The following KAZN variants were observed in gnomAD, a reference collection of about 807,000 sequenced individuals.
KAZN encodes the protein kazrin, periplakin interacting protein.
KAZN carries 40 observed loss-of-function variants against 87.4 expected under a neutral mutation model. That is an observed-to-expected ratio of 0.46 (90% CI 0.36 to 0.60). The LOEUF (loss-of-function observed/expected upper bound fraction) is 0.60, where lower values mean the gene tolerates loss of function less well. Ranked by LOEUF, KAZN falls within the 20% of genes least tolerant of loss-of-function variation. KAZN has a pLI of 0.00. For synonymous variants in KAZN, 466 were observed against 458.3 expected (o/e 1.02, Z -0.22); for missense variants, 898 against 1,073.9 (o/e 0.84, Z 2.29).
At chr1:14,742,187 C>T (rs1021088016) in intron 1 of KAZN, among the ~76,000 whole-genome samples, 2 of 152,184 alleles carry the variant, frequency 1.3e-5, no homozygotes, top group African/African-American at 2.4e-5. Flanking sequence ...TCCAGGAAAG[C>T]AGTGACCTTG....
chr1:14,941,459 T>C (rs1338628365), intron 1 of KAZN, among the ~76,000 whole-genome samples: 1 of 151,582 alleles, frequency 6.6e-6, no homozygotes, highest in African/African-American at 2.4e-5. Context: ...CTGCCGACCA[T>C]TGGAAAAAGG....
intron 1 of KAZN, among the ~76,000 whole-genome samples, chr1:14,018,758 C>G (rs541645531): frequency 1.3e-5 from 2 of 152,300 alleles, no homozygotes; most frequent in African/African-American, 4.8e-5. Flanking sequence ...TTTCAGAACT[C>G]TAGGTTCTCT....
intron 2 of KAZN, among the ~76,000 whole-genome samples, chr1:14,576,291 AGGATGGATGGATGGAT>A (rs71587761): frequency 8.0e-6 from 1 of 125,348 alleles, no homozygotes; most frequent in Non-Finnish European, 1.9e-5. Context: ...GAAGGATGGA[AGGATGGATGGATGGAT>A]GGATGGATGG....
intron 2 of KAZN, among the ~76,000 whole-genome samples, chr1:14,577,137 T>C (rs1675241247): frequency 6.6e-6 from 1 of 152,244 alleles, no homozygotes; most frequent in Non-Finnish European, 1.5e-5. Context: ...AACTGCATCC[T>C]ACTGATATTG....
intron 1 of KAZN, among the ~76,000 whole-genome samples, chr1:14,138,095 G>GTA (rs1645150365): frequency 6.6e-6 from 1 of 152,012 alleles, no homozygotes; most frequent in African/African-American, 2.4e-5. Flanking sequence ...GTGTGTGTGT[G>GTA]TGTGTGTGTG....
chr1:14,104,646 A>T (rs1644329794), intron 1 of KAZN, among the ~76,000 whole-genome samples: 1 of 152,216 alleles, frequency 6.6e-6, no homozygotes, highest in South Asian at 2.1e-4. Context: ...TGTTCATTCC[A>T]TCACGAACTA....
rs555590024 is a variant in KAZN at position 13,952,478 on chromosome 1, A to G, written c.91+58722A>G. Among the ~76,000 whole-genome samples the G allele has an allele frequency of 8.6e-4, 131 of 152,026 alleles. 1 individual carries two copies. Among genetic ancestry groups the G allele is most frequent in the African/African-American group, 2.8e-3 (117 of 41,446 alleles). ...GGCCTGGGAGGCTCAGAGCTTCGCA[A>G]TTCTTCTAGGCACTATCTTATCTCT... is the stretch of plus-strand genomic sequence containing the variant. On this transcript the variant is annotated intron_variant, in intron 1 of 16. Coordinates refer to the KAZN transcript ENST00000636203.
intron 1 of KAZN, among the ~76,000 whole-genome samples, chr1:14,600,224 G>A (rs1380161755): frequency 2.6e-5 from 4 of 152,152 alleles, no homozygotes; most frequent in African/African-American, 9.7e-5. Flanking sequence ...TCCAGTCCAT[G>A]AGGTCCACTT....
intron 2 of KAZN, among the ~76,000 whole-genome samples, chr1:14,462,790 T>C (rs1018623118): frequency 2.0e-5 from 3 of 152,160 alleles, no homozygotes; most frequent in Non-Finnish European, 4.4e-5. Flanking sequence ...TTAGTCACTA[T>C]CATGAGAACA....
intron 1 of KAZN, among the ~76,000 whole-genome samples, chr1:14,133,134 C>T (rs1645026177): frequency 6.6e-6 from 1 of 152,016 alleles, no homozygotes; most frequent in Non-Finnish European, 1.5e-5. Context: ...TTTGGGAGGC[C>T]AAGGTGGGCG....
intron 2 of KAZN, among the ~76,000 whole-genome samples, chr1:14,337,732 A>G (rs1657373504): frequency 6.6e-6 from 1 of 152,084 alleles, no homozygotes; most frequent in Non-Finnish European, 1.5e-5. Context: ...CGTCTCTACT[A>G]AAAATACAAA....
chr1:14,667,832 A>G (rs949174946), intron 1 of KAZN, among the ~76,000 whole-genome samples: 1 of 152,232 alleles, frequency 6.6e-6, no homozygotes, highest in African/African-American at 2.4e-5. Context: ...GAATGAAAAT[A>G]ATTTCATTTT....
At chr1:14,438,794 G>A (rs929037568) in intron 2 of KAZN, among the ~76,000 whole-genome samples, 33 of 152,220 alleles carry the variant, frequency 2.2e-4, no homozygotes, top group African/African-American at 7.2e-4. Context: ...AGGGGCTCAC[G>A]ATGAGCTTCC....
intron 1 of KAZN, among the ~76,000 whole-genome samples, chr1:14,699,394 C>T (rs578035941): frequency 3.7e-4 from 56 of 152,336 alleles, no homozygotes; most frequent in Admixed American, 2.5e-3. Context: ...TAGTGATACT[C>T]TGTGTTCATT....
At chr1:14,432,856 G>A (rs898873436) in intron 2 of KAZN, among the ~76,000 whole-genome samples, 1 of 152,122 alleles carries the variant, frequency 6.6e-6, no homozygotes, top group Non-Finnish European at 1.5e-5. Context: ...AGTTTGCTGA[G>A]AATGATGGCT....
chr1:15,095,639 A>T (rs772451796), intron 10 of KAZN, among the ~76,000 whole-genome samples: 19 of 125,556 alleles, frequency 1.5e-4, no homozygotes, highest in Non-Finnish European at 2.1e-4. Flanking sequence ...GAATGTGGAG[A>T]GGGGAAGAAC....
intron 2 of KAZN, among the ~76,000 whole-genome samples, chr1:14,361,138 G>A (rs1432361903): frequency 6.6e-6 from 1 of 152,222 alleles, no homozygotes; most frequent in Non-Finnish European, 1.5e-5. Flanking sequence ...CGCCCAGAGA[G>A]GAGGAATCTG....
Position 14,926,250 on chromosome 1 carries a change from T to G in KAZN, c.227-34434T>G, listed in dbSNP as rs72871836. Among the ~76,000 whole-genome samples the G allele has an allele frequency of 1.1e-3, 163 of 152,310 alleles. 1 individual carries two copies. The highest frequency in any genetic ancestry group is 3.7e-3 in the African/African-American group (155 of 41,556). On this transcript the variant is annotated intron_variant, in intron 1 of 14. Transcript: ENST00000376030. Reference sequence around the variant, plus strand: ...TAAAGTGATCTGAGGCTGAGTGTTGTGTCAGTGGGAGTTGTTTTCATGTAA... The same window carrying G: ...TAAAGTGATCTGAGGCTGAGTGTTGGGTCAGTGGGAGTTGTTTTCATGTAA...
intron 1 of KAZN, among the ~76,000 whole-genome samples, chr1:13,967,551 A>C (rs1041284794): frequency 6.6e-6 from 1 of 152,142 alleles, no homozygotes; most frequent in East Asian, 1.9e-4. Flanking sequence ...TGCGTTCACC[A>C]CTGAGGACTG....
Sources: allele counts gnomAD v4.1 joint callset (sites outside exome capture counted in the v4.1 genomes callset), GRCh38; gene constraint gnomAD v4.1.1; transcripts MANE v1.5; gene names NCBI Gene and HGNC (gene_info 2026-07-23, HGNC 2026-07-21).